The following HSD17B4 variants were observed in gnomAD, a reference collection of about 807,000 sequenced individuals.
HSD17B4 encodes hydroxysteroid 17-beta dehydrogenase 4, also known as peroxisomal multifunctional enzyme type 2.
In HSD17B4, 70 loss-of-function variants were observed where a neutral mutation model predicts 101.0. The ratio of observed to expected loss-of-function variants is 0.69; its 90% CI spans 0.57 to 0.85. The LOEUF (loss-of-function observed/expected upper bound fraction) is 0.85, where lower values mean the gene tolerates loss of function less well. HSD17B4 is among the 40% of genes least tolerant of loss of function. The pLI is 0.00. For missense variants in HSD17B4, 984 were observed against 892.4 expected, an observed-to-expected ratio of 1.10 and a Z score of -1.31; for synonymous variants, 347 against 297.1, an observed-to-expected ratio of 1.17 and a Z score of -1.73.
At chr5:119,480,744 A>G (rs958542490) in intron 8 of HSD17B4, among the ~76,000 whole-genome samples, 2 of 152,102 alleles carry the variant, frequency 1.3e-5, no homozygotes, top group African/African-American at 2.4e-5. Context: ...GCGCTATGGG[A>G]GACTGGAGTT....
chr5:119,515,136 T>C, intron 17 of HSD17B4, 90 bp downstream of exon 17: 1 of 775,446 alleles, frequency 1.3e-6, no homozygotes, highest in African/African-American at 1.7e-5. Flanking sequence ...ATTATGCATC[T>C]AATGCATAAT....
intron 14 of HSD17B4, among the ~76,000 whole-genome samples, chr5:119,506,414 T>C (rs1479847218): frequency 6.6e-6 from 1 of 152,194 alleles, no homozygotes; most frequent in Non-Finnish European, 1.5e-5. Context: ...TCCAGTCTAT[T>C]ATTGATGGAC....
At chr5:119,502,779 A>G (rs1751290597) in intron 14 of HSD17B4, among the ~76,000 whole-genome samples, 1 of 151,996 alleles carries the variant, frequency 6.6e-6, no homozygotes, top group South Asian at 2.1e-4. Context: ...TTTTTCTTAA[A>G]CCTTTTTATT....
chr5:119,506,760 C>A, intron 14 of HSD17B4, 58 bp from the exon 15 acceptor site: 2 of 947,918 alleles, frequency 2.1e-6, no homozygotes, highest in Non-Finnish European at 1.7e-6. Context: ...TCTTTCACAT[C>A]TTATTATAGT....
At chr5:119,499,010 C>A (rs1350385971) in intron 12 of HSD17B4, among the ~76,000 whole-genome samples, 1 of 152,118 alleles carries the variant, frequency 6.6e-6, no homozygotes, top group East Asian at 1.9e-4. Context: ...ATAACAAATT[C>A]ATTATTTTTT....
At position 119,542,140 on chromosome 5, in the gene HSD17B4, A is replaced by C; in HGVS notation, c.*146A>C. On this transcript the variant is annotated 3_prime_UTR_variant, in exon 24 of 24. Transcript: ENST00000510025. ...AGATATCAGATAACTGCAGATTTTC[A>C]TTTTCTACTAATTTTTCATGTATCA... 1.5e-6 allele frequency: 1 copy of C among 650,946 alleles called. No homozygotes were observed. Among genetic ancestry groups the C allele is most frequent in the Non-Finnish European group, 2.8e-6 (1 of 356,734 alleles). 40.3% of individuals were successfully genotyped at this position (650,946 alleles called of 1,614,324 possible). A position where few individuals can be genotyped will look rare whatever the true frequency, so the allele number is the denominator to read the frequency against.
At chr5:119,476,811 A>G in intron 6 of HSD17B4, 1 of 496,660 alleles carries the variant, frequency 2.0e-6, no homozygotes, top group Non-Finnish European at 2.6e-6. Flanking sequence ...TCCTTTTTTC[A>G]CTCTTACATT....
chr5:119,519,052 C>T (rs940591733), intron 17 of HSD17B4, among the ~76,000 whole-genome samples: 9 of 152,170 alleles, frequency 5.9e-5, no homozygotes, highest in Admixed American at 2.6e-4. Flanking sequence ...GGTGGAGGAT[C>T]ACTTGAGCCT....
intron 1 of HSD17B4, among the ~76,000 whole-genome samples, chr5:119,456,010 T>C (rs1339355221): frequency 6.6e-6 from 1 of 152,140 alleles, no homozygotes; most frequent in African/African-American, 2.4e-5. Context: ...TCTGTCTCAC[T>C]TACACCTTCT....
chr5:119,494,875 A>G (rs1225253666), intron 11 of HSD17B4, among the ~76,000 whole-genome samples: 1 of 152,082 alleles, frequency 6.6e-6, no homozygotes, highest in Non-Finnish European at 1.5e-5. Context: ...AAGTCAGATT[A>G]TTTTTTTCTA....
chr5:119,475,308 C>CT (rs74701839), intron 4 of HSD17B4, among the ~76,000 whole-genome samples: 12,450 of 152,026 alleles, frequency 0.082, 1,276 homozygotes, highest in East Asian at 0.42. Flanking sequence ...TCTTTTTGGA[C>CT]TTTTTACTTT....
intron 2 of HSD17B4, among the ~76,000 whole-genome samples, chr5:119,458,927 T>A (rs922152378): frequency 2.6e-5 from 4 of 152,190 alleles, no homozygotes; most frequent in Non-Finnish European, 5.9e-5. Context: ...AAGTTTTATT[T>A]TGAGGACATA....
chr5:119,525,189 C>G (rs1015981633), intron 17 of HSD17B4, 27 bp from the exon 18 acceptor site: 11 of 1,528,968 alleles, frequency 7.2e-6, no homozygotes, highest in Non-Finnish European at 1.0e-5. Context: ...ACACTGAGTT[C>G]TAGTTATGTT....
At chr5:119,503,651 A>G (rs1370467885) in intron 14 of HSD17B4, among the ~76,000 whole-genome samples, 3 of 152,090 alleles carry the variant, frequency 2.0e-5, no homozygotes, top group Non-Finnish European at 4.4e-5. Context: ...TGTTGGCTAT[A>G]GTGGTAGTGT....
At chr5:119,462,181 A>G (rs1219898661) in intron 2 of HSD17B4, among the ~76,000 whole-genome samples, 1 of 124,112 alleles carries the variant, frequency 8.1e-6, no homozygotes, top group Non-Finnish European at 1.7e-5. Context: ...TTTGCTACCT[A>G]TTTGAAAGCT....
At position 119,477,960 on chromosome 5, in the gene HSD17B4, C is replaced by T. The variant is rs117123676; in HGVS notation, c.434+459C>T. On this transcript the variant is annotated intron_variant, in intron 7 of 23. Coordinates refer to ENST00000510025, the MANE Select transcript of HSD17B4 (RefSeq NM_000414.4). ...TAGAGACAGTATCTCGTTTTGTTGC[C>T]CAGGCTGGTCTCAAACTCTTGGGCC... The T allele has an allele frequency of 3.8e-4, 66 of 175,518 alleles. No individual in the cohort carries two copies. The East Asian group carries it at 9.8e-3, about 26-fold the overall frequency. 10.9% of individuals were successfully genotyped at this position (175,518 alleles called of 1,614,324 possible). A position where few individuals can be genotyped will look rare whatever the true frequency, so the allele number is the denominator to read the frequency against.
At chr5:119,461,004 A>G (rs1755173311) in intron 2 of HSD17B4, among the ~76,000 whole-genome samples, 1 of 152,192 alleles carries the variant, frequency 6.6e-6, no homozygotes, top group African/African-American at 2.4e-5. Flanking sequence ...GAGCAAGGTC[A>G]TAAGGGAGAC....
chr5:119,522,382 G>C (rs1271612760), intron 17 of HSD17B4, among the ~76,000 whole-genome samples: 1 of 152,086 alleles, frequency 6.6e-6, no homozygotes, highest in Non-Finnish European at 1.5e-5. Context: ...TGTGAGTAGT[G>C]CTGCAATAAA....
intron 18 of HSD17B4, 44 bp downstream of exon 18, chr5:119,525,329 C>G: frequency 1.7e-6 from 2 of 1,156,876 alleles, no homozygotes; most frequent in Non-Finnish European, 2.6e-6. Context: ...ATTAGCTATT[C>G]GATATTTAAT....
Sources: gnomAD v4.1 joint callset for allele counts (sites outside exome capture counted in the v4.1 genomes callset) on GRCh38, gnomAD v4.1.1 for gene constraint, MANE v1.5 for transcripts, NCBI Gene and HGNC (gene_info 2026-07-23, HGNC 2026-07-21) for gene names.